The following SLC8A3 variants were observed in gnomAD, a reference collection of about 807,000 sequenced individuals.
The protein encoded by SLC8A3 is solute carrier family 8 member A3.
In SLC8A3, 37 loss-of-function variants were observed where a neutral mutation model predicts 65.4. The ratio of observed to expected loss-of-function variants is 0.57; its 90% CI spans 0.44 to 0.74. The LOEUF (loss-of-function observed/expected upper bound fraction) is 0.74, where lower values mean the gene tolerates loss of function less well. Ranked by LOEUF, SLC8A3 falls within the 30% of genes least tolerant of loss-of-function variation. SLC8A3 has a pLI of 0.00. For synonymous variants in SLC8A3, 461 were observed against 444.5 expected (o/e 1.04, Z -0.47); for missense variants, 1,112 against 1,172.1 (o/e 0.95, Z 0.75).
chr14:70,150,327 C>T (rs1360913979), intron 2 of SLC8A3, among the ~76,000 whole-genome samples: 1 of 152,180 alleles, frequency 6.6e-6, no homozygotes, highest in Non-Finnish European at 1.5e-5. Flanking sequence ...AGGTCACCAA[C>T]AAGTAGCTGG....
chr14:70,059,984 C>A (rs1224297472), intron 3 of SLC8A3, among the ~76,000 whole-genome samples: 1 of 152,128 alleles, frequency 6.6e-6, no homozygotes, highest in Non-Finnish European at 1.5e-5. Flanking sequence ...CTGAATGAGG[C>A]ACCCAACCTT....
At chr14:70,093,585 C>A (rs747332934) in intron 2 of SLC8A3, among the ~76,000 whole-genome samples, 5 of 152,216 alleles carry the variant, frequency 3.3e-5, no homozygotes, top group Non-Finnish European at 4.4e-5. Context: ...AACACAGAGG[C>A]CACTTCAGGG....
chr14:70,142,592 G>A (rs200355707), intron 2 of SLC8A3, among the ~76,000 whole-genome samples: 1 of 152,080 alleles, frequency 6.6e-6, no homozygotes, highest in South Asian at 2.1e-4. Flanking sequence ...AACACAGAAA[G>A]GTCATTGATT....
chr14:70,121,508 G>C (rs755389271), intron 2 of SLC8A3, among the ~76,000 whole-genome samples: 50 of 152,306 alleles, frequency 3.3e-4, no homozygotes, highest in Admixed American at 1.1e-3. Context: ...TGGGCCAGTT[G>C]CCTCCTTAAA....
intron 2 of SLC8A3, among the ~76,000 whole-genome samples, chr14:70,156,732 C>T (rs752515946): frequency 1.3e-5 from 2 of 150,820 alleles, no homozygotes; most frequent in African/African-American, 4.9e-5. Context: ...CTGAGTCCAG[C>T]AGATCAGCTG....
At chr14:70,050,361 CA>C (rs1343443096) in intron 5 of SLC8A3, among the ~76,000 whole-genome samples, 2 of 152,128 alleles carry the variant, frequency 1.3e-5, no homozygotes, top group Non-Finnish European at 2.9e-5. Context: ...CAAAGTCTCT[CA>C]ATAAAAGACA....
intron 1 of SLC8A3, among the ~76,000 whole-genome samples, chr14:70,180,990 G>A (rs1363847289): frequency 6.6e-6 from 1 of 152,190 alleles, no homozygotes; most frequent in East Asian, 1.9e-4. Context: ...GTCCTGAAAT[G>A]AAAGATACAG....
intron 2 of SLC8A3, among the ~76,000 whole-genome samples, chr14:70,071,950 T>C (rs1890050870): frequency 6.6e-6 from 1 of 152,214 alleles, no homozygotes; most frequent in Admixed American, 6.5e-5. Context: ...GTATCTATTC[T>C]GGACCCTCCT....
intron 2 of SLC8A3, among the ~76,000 whole-genome samples, chr14:70,113,034 C>T (rs190908009): frequency 2.0e-5 from 3 of 152,320 alleles, no homozygotes; most frequent in African/African-American, 7.2e-5. Context: ...TGGACTTGAA[C>T]TTTTGGGGTC....
At chr14:70,069,105 T>C (rs1395210174) in intron 2 of SLC8A3, among the ~76,000 whole-genome samples, 3 of 152,224 alleles carry the variant, frequency 2.0e-5, no homozygotes, top group Non-Finnish European at 4.4e-5. Flanking sequence ...ATTAAGCAGC[T>C]GAGCTAGGAT....
intron 2 of SLC8A3, among the ~76,000 whole-genome samples, chr14:70,110,576 T>C (rs1893222795): frequency 6.6e-6 from 1 of 152,182 alleles, no homozygotes; most frequent in African/African-American, 2.4e-5. Flanking sequence ...CCACATTTTC[T>C]TTATCCATTC....
chr14:70,052,443 T>G (rs1277556630), intron 3 of SLC8A3, among the ~76,000 whole-genome samples: 4 of 152,174 alleles, frequency 2.6e-5, no homozygotes, highest in African/African-American at 9.7e-5. Context: ...AAAGGGCAAG[T>G]GTTTTGACCT....
In SLC8A3 at chr14:70,167,916, G is replaced by A. The variant is rs995790420; in HGVS notation, c.507C>T (p.Thr169=). The A allele has an allele frequency of 1.9e-6, 3 of 1,614,018 alleles. No individual in the cohort carries two copies. Among genetic ancestry groups the A allele is most frequent in the African/African-American group, 2.7e-5 (2 of 74,898 alleles). Residue 169 remains threonine, a synonymous_variant, in exon 2 of 7, where the codon ACC becomes ACT. Transcript: ENST00000356921. ...GFIAGDLGPS[T]IVGSAAFNMF... The stretch of plus-strand genomic sequence containing the variant: ...TGTTGAAGGCTGCACTCCCTACAAT[G>A]GTAGAAGGTCCCAGATCACCAGCAA...
Position 70,058,244 on chromosome 14 carries a change from A to G in SLC8A3, c.1888+2592T>C, listed in dbSNP as rs77162443. On this transcript the variant is annotated intron_variant, in intron 3 of 6. Coordinates refer to ENST00000356921, the MANE Select transcript of SLC8A3 (RefSeq NM_182932.3). ...CCATGCAGTAGTGATAATGAAAAGC[A>G]ATTTCCACTGTTCTGTTTCTCACTC... 5.6e-3 allele frequency among the ~76,000 whole-genome samples: 856 copies of G among 152,292 alleles called. 10 individuals are homozygous for G. The highest frequency in any genetic ancestry group is 0.019 in the African/African-American group (810 of 41,552).
chr14:70,046,084 T>G lies in SLC8A3; in HGVS notation c.2629A>C (p.Arg877=), dbSNP rs1438889980. ...AGCTCCCCTCCCAGGTGCGGCCGCC[T>G]TCGGTACAAGAGCACGCTGATGCAG... ...FVCISVLLYR[R]RPHLGGELGG... The change falls in exon 7 of 7, where the codon AGG becomes CGG. Residue 877 remains arginine (R), a synonymous_variant. Coordinates refer to ENST00000356921, the MANE Select transcript of SLC8A3 (RefSeq NM_182932.3). This position sits in a 1 kb window ranked among gnomAD's most constrained non-coding sequence, Gnocchi z 4.2. 2.5e-6 allele frequency: 4 copies of G among 1,614,008 alleles called. No individual in the cohort carries two copies. Among genetic ancestry groups the G allele is most frequent in the Non-Finnish European group, 3.4e-6 (4 of 1,180,020 alleles).
chr14:70,054,389 T>C (rs1261609555), intron 3 of SLC8A3, among the ~76,000 whole-genome samples: 1 of 152,158 alleles, frequency 6.6e-6, no homozygotes, highest in Non-Finnish European at 1.5e-5. Context: ...GGCTTACAGA[T>C]TGAAAGAGCT....
chr14:70,137,786 C>CTTTTTT (rs36057761), intron 2 of SLC8A3, among the ~76,000 whole-genome samples: 16 of 132,210 alleles, frequency 1.2e-4, no homozygotes, highest in African/African-American at 3.3e-4. Context: ...CTGGTGGTGC[C>CTTTTTT]TTTTTTTTTT....
At position 70,068,257 on chromosome 14, in the gene SLC8A3, A is replaced by G. The variant is rs115113347; in HGVS notation, c.1785-7318T>C. Among the ~76,000 whole-genome samples the G allele has an allele frequency of 3.7e-3, 562 of 152,276 alleles. 7 individuals carry two copies. The highest frequency in any genetic ancestry group is 0.013 in the African/African-American group (534 of 41,536). On this transcript the variant is annotated intron_variant, in intron 2 of 6. Transcript: ENST00000356921. ...GGAGTAAGCAGCATTTATTAGTTGAACAGATGATTAATACATTGGAGGAGG... is the reference window on the plus strand; with the variant it reads ...GGAGTAAGCAGCATTTATTAGTTGAGCAGATGATTAATACATTGGAGGAGG...
At chr14:70,072,873 C>T (rs765663008) in intron 2 of SLC8A3, among the ~76,000 whole-genome samples, 14 of 152,290 alleles carry the variant, frequency 9.2e-5, no homozygotes, top group South Asian at 2.1e-4. Context: ...GTCTCAAACT[C>T]GTGACCTCAG....
Sources: gnomAD v4.1 joint callset for allele counts (sites outside exome capture counted in the v4.1 genomes callset) on GRCh38, gnomAD v4.1.1 for gene constraint, Gnocchi (gnomAD v3.1) non-coding constraint, MANE v1.5 for transcripts, NCBI Gene and HGNC (gene_info 2026-07-23, HGNC 2026-07-21) for gene names.